The following SNX29 variants were observed in gnomAD, a reference collection of about 807,000 sequenced individuals.
SNX29 encodes sorting nexin-29.
SNX29 carries 78 observed loss-of-function variants against 102.1 expected under a neutral mutation model. The observed-to-expected ratio is 0.76, with a 90% CI of 0.64 to 0.92. SNX29 has a LOEUF of 0.92. SNX29 is among the 40% of genes least tolerant of loss of function. SNX29 has a pLI of 0.00. For missense variants in SNX29, 1,280 were observed against 1,061.7 expected (o/e 1.21, Z -2.86); for synonymous variants, 580 against 414.5 (o/e 1.40, Z -4.85).
chr16:12,434,526 G>T (rs2085449278), intron 18 of SNX29, among the ~76,000 whole-genome samples: 1 of 152,126 alleles, frequency 6.6e-6, no homozygotes, highest in Non-Finnish European at 1.5e-5. Flanking sequence ...TGCTAGTCGG[G>T]GGTAATATGT....
In SNX29 at chr16:12,527,491, A is replaced by T. The variant is rs2076818421; in HGVS notation, c.2318+2650A>T. 4 of 428,790 alleles carry T rather than the reference A, an allele frequency of 9.3e-6. No homozygotes were observed. In the East Asian group the frequency reaches 1.2e-4, roughly 13 times the overall value. 26.6% of individuals were successfully genotyped at this position (428,790 alleles called of 1,614,324 possible). A position where few individuals can be genotyped will look rare whatever the true frequency, so the allele number is the denominator to read the frequency against. On this transcript the variant is annotated intron_variant, in intron 20 of 20. Coordinates refer to ENST00000566228, the MANE Select transcript of SNX29 (RefSeq NM_032167.5). ...AGGATCCAAAAAGTCCATTTGAGTT[A>T]CTGAACGTAACCGGATTGTTCACTA...
chr16:12,480,797 G>T (rs2087869803), intron 19 of SNX29, among the ~76,000 whole-genome samples: 1 of 152,176 alleles, frequency 6.6e-6, no homozygotes, highest in South Asian at 2.1e-4. Context: ...GGTTTTTCTG[G>T]TGTTGCATCC....
chr16:12,571,163 T>TC lies in SNX29; in HGVS notation c.*2536dup. 4.3e-6 allele frequency: 1 copy of TC among 232,608 alleles called. No individual in the cohort carries two copies. Among genetic ancestry groups the TC allele is most frequent in the East Asian group, 6.1e-5 (1 of 16,498 alleles). The allele number at this position is 232,608 out of a possible 1,614,324, so 14.4% of individuals were successfully genotyped here. On this transcript the variant is annotated 3_prime_UTR_variant, in exon 21 of 21. Transcript: ENST00000566228. ...CATCTTGCTGCTCAGAAGAATCCCGTCCTGCTCTCTAGTGTGGTGGGATGA... is the reference window on the plus strand; with the variant it reads ...CATCTTGCTGCTCAGAAGAATCCCGTCCCTGCTCTCTAGTGTGGTGGGATGA...
chr16:12,022,320 C>T (rs2057052664), intron 3 of SNX29, among the ~76,000 whole-genome samples: 1 of 151,898 alleles, frequency 6.6e-6, no homozygotes, highest in Non-Finnish European at 1.5e-5. Flanking sequence ...CCAGCCTCAG[C>T]CTCTGGAGTA....
chr16:12,550,177 C>T (rs1275532125), intron 20 of SNX29, among the ~76,000 whole-genome samples: 2 of 152,202 alleles, frequency 1.3e-5, no homozygotes, highest in African/African-American at 2.4e-5. Flanking sequence ...AAAAAATCTC[C>T]ATGACATTAT....
chr16:12,134,912 G>A (rs2054605321), intron 13 of SNX29, among the ~76,000 whole-genome samples: 1 of 152,224 alleles, frequency 6.6e-6, no homozygotes, highest in African/African-American at 2.4e-5. Flanking sequence ...TGGGGGCCAA[G>A]AAGTCTCACA....
At chr16:12,431,325 C>CAT (rs2085304413) in intron 18 of SNX29, among the ~76,000 whole-genome samples, 1 of 149,652 alleles carries the variant, frequency 6.7e-6, no homozygotes, top group Non-Finnish European at 1.5e-5. Flanking sequence ...GAACATCCCT[C>CAT]CAATTAACAG....
At chr16:12,218,319 C>CTG (rs35401187) in intron 14 of SNX29, among the ~76,000 whole-genome samples, 19,821 of 152,200 alleles carry the variant, frequency 0.13, 2,276 homozygotes, top group African/African-American at 0.29. Flanking sequence ...TCACACAAAT[C>CTG]TACTCCACAA....
intron 17 of SNX29, among the ~76,000 whole-genome samples, chr16:12,399,393 C>A (rs760053762): frequency 1.1e-4 from 17 of 152,154 alleles, no homozygotes; most frequent in Admixed American, 4.6e-4. Context: ...CAAATAGATC[C>A]CTTAGGCTGG....
intron 20 of SNX29, among the ~76,000 whole-genome samples, chr16:12,537,793 C>G (rs922612961): frequency 3.3e-5 from 5 of 151,992 alleles, no homozygotes; most frequent in East Asian, 3.9e-4. Flanking sequence ...AATAAAATAT[C>G]TCCTATATCA....
intron 16 of SNX29, among the ~76,000 whole-genome samples, chr16:12,361,699 T>A (rs1380522960): frequency 6.6e-6 from 1 of 152,130 alleles, no homozygotes; most frequent in Non-Finnish European, 1.5e-5. Flanking sequence ...TTTCTTAAAC[T>A]TTTTTTCATA....
chr16:12,466,303 A>G (rs2087049167), intron 18 of SNX29, among the ~76,000 whole-genome samples: 1 of 152,258 alleles, frequency 6.6e-6, no homozygotes, highest in Non-Finnish European at 1.5e-5. Context: ...AAGTAAATTG[A>G]GTAAAGTTGT....
At chr16:12,427,193 C>A (rs374600933) in intron 18 of SNX29, among the ~76,000 whole-genome samples, 100 of 152,238 alleles carry the variant, frequency 6.6e-4, no homozygotes, top group South Asian at 4.6e-3. Context: ...AAGGTGGTTT[C>A]TTCTCGGTGC....
chr16:12,299,018 G>A (rs2080073154), intron 15 of SNX29, among the ~76,000 whole-genome samples: 1 of 149,996 alleles, frequency 6.7e-6, no homozygotes, highest in Non-Finnish European at 1.5e-5. Context: ...AAAAAAATAG[G>A]GCTGGGCACG....
chr16:12,445,260 T>C (rs147745810), intron 18 of SNX29, among the ~76,000 whole-genome samples: 62 of 152,376 alleles, frequency 4.1e-4, no homozygotes, highest in African/African-American at 1.4e-3. Context: ...GGTGAGTCTT[T>C]AGGACAGAGC....
At chr16:12,165,963 G>C (rs1258140393) in intron 13 of SNX29, among the ~76,000 whole-genome samples, 1 of 152,216 alleles carries the variant, frequency 6.6e-6, no homozygotes, top group Non-Finnish European at 1.5e-5. Context: ...GGCCGTGTTT[G>C]ACCCTGTCTA....
intron 15 of SNX29, among the ~76,000 whole-genome samples, chr16:12,279,841 GT>G (rs1312668397): frequency 6.6e-6 from 1 of 152,216 alleles, no homozygotes; most frequent in East Asian, 1.9e-4. Context: ...AGGTGAAAGG[GT>G]TCTCAGAATG....
intron 18 of SNX29, among the ~76,000 whole-genome samples, chr16:12,437,445 G>T (rs2085587912): frequency 6.6e-6 from 1 of 152,230 alleles, no homozygotes; most frequent in Non-Finnish European, 1.5e-5. Context: ...GTGAGAGGAG[G>T]GTTGCCTGTG....
chr16:11,979,091 A>G (rs1197907522), intron 1 of SNX29, among the ~76,000 whole-genome samples: 5 of 151,896 alleles, frequency 3.3e-5, no homozygotes, highest in Admixed American at 2.0e-4. Context: ...CCTGGCCAAC[A>G]TGGTGAAATC....
Sources: gnomAD v4.1 joint callset for allele counts (sites outside exome capture counted in the v4.1 genomes callset) on GRCh38, gnomAD v4.1.1 for gene constraint, MANE v1.5 for transcripts, NCBI Gene and HGNC (gene_info 2026-07-23, HGNC 2026-07-21) for gene names.